LRBA: variants seen among roughly 807,000 people sequenced by gnomAD.
LRBA encodes LPS responsive beige-like anchor protein.
Under a neutral mutation model 330.0 loss-of-function variants are expected in LRBA, and 176 were observed. The ratio of observed to expected loss-of-function variants is 0.53; its 90% CI spans 0.47 to 0.60. The LOEUF (loss-of-function observed/expected upper bound fraction) is 0.60, where lower values mean the gene tolerates loss of function less well. LRBA is among the 20% of genes least tolerant of loss of function. The pLI, the probability that LRBA is intolerant of heterozygous loss-of-function variation, is 0.00. For synonymous variants in LRBA, 1,230 were observed against 1,193.0 expected, an observed-to-expected ratio of 1.03 and a Z score of -0.64; for missense variants, 3,259 against 3,444.8, an observed-to-expected ratio of 0.95 and a Z score of 1.35.
At chr4:150,776,670 G>A (rs937750283) in intron 34 of LRBA, among the ~76,000 whole-genome samples, 15 of 151,974 alleles carry the variant, frequency 9.9e-5, no homozygotes, top group Admixed American at 8.5e-4. Flanking sequence ...AAAATTAGCC[G>A]GGCATGGTGG....
chr4:150,361,857 G>A (rs980189482), intron 47 of LRBA, among the ~76,000 whole-genome samples: 5 of 148,914 alleles, frequency 3.4e-5, no homozygotes, highest in Non-Finnish European at 7.4e-5. Flanking sequence ...TGCAAGCTCC[G>A]CCTCCCGGGT....
intron 53 of LRBA, among the ~76,000 whole-genome samples, chr4:150,297,758 A>AT (rs1179351085): frequency 6.6e-6 from 1 of 152,234 alleles, no homozygotes; most frequent in Non-Finnish European, 1.5e-5. Flanking sequence ...TGTGATCAAG[A>AT]AGCTAACAAG....
At chr4:150,275,091 G>T (rs900030746) in intron 56 of LRBA, among the ~76,000 whole-genome samples, 1 of 152,050 alleles carries the variant, frequency 6.6e-6, no homozygotes, top group African/African-American at 2.4e-5. Context: ...ATGATCAAGT[G>T]GGCTTCATCC....
chr4:150,854,595 G>A (rs1751004243), intron 22 of LRBA, among the ~76,000 whole-genome samples: 2 of 152,206 alleles, frequency 1.3e-5, no homozygotes, highest in African/African-American at 4.8e-5. Flanking sequence ...AAGGGAGGGG[G>A]AAGTACAGAG....
At chr4:150,628,121 A>T (rs1036787522) in intron 37 of LRBA, among the ~76,000 whole-genome samples, 1 of 152,170 alleles carries the variant, frequency 6.6e-6, no homozygotes, top group African/African-American at 2.4e-5. Context: ...TGCATTTTAC[A>T]CTTGAATATG....
In LRBA at chr4:150,964,300, G is replaced by A. The variant is rs1044615527; in HGVS notation, c.217-35235C>T. Among the ~76,000 whole-genome samples, 7 of 149,036 alleles carry A rather than the reference G, an allele frequency of 4.7e-5. 1 individual carries two copies. The highest frequency in any genetic ancestry group is 1.9e-4 in the East Asian group (1 of 5,160). Reference sequence around the variant, plus strand: ...TGGGAAGTGAGGAGCCCCTCTGCCCGGCCGCCACCCCGTCTGGGAGGTGTA... The same window carrying A: ...TGGGAAGTGAGGAGCCCCTCTGCCCAGCCGCCACCCCGTCTGGGAGGTGTA... On this transcript the variant is annotated intron_variant, in intron 2 of 56. Transcript: ENST00000651943.
intron 37 of LRBA, among the ~76,000 whole-genome samples, chr4:150,622,258 A>T (rs1776365749): frequency 6.6e-6 from 1 of 152,074 alleles, no homozygotes; most frequent in Non-Finnish European, 1.5e-5. Flanking sequence ...AATTATGAGG[A>T]ATTTCTAAAA....
intron 36 of LRBA, among the ~76,000 whole-genome samples, chr4:150,709,527 T>A (rs72736402): frequency 2.0e-4 from 30 of 151,938 alleles, no homozygotes; most frequent in Admixed American, 2.0e-3. Flanking sequence ...TTTGTTTCCA[T>A]AGAGAACCAT....
intron 35 of LRBA, among the ~76,000 whole-genome samples, chr4:150,751,679 A>T (rs554014590): frequency 6.6e-6 from 1 of 152,306 alleles, no homozygotes; most frequent in Non-Finnish European, 1.5e-5. Context: ...TTTAATATTA[A>T]GAAGAAAAAA....
intron 44 of LRBA, among the ~76,000 whole-genome samples, chr4:150,438,055 G>T (rs1751354116): frequency 6.6e-6 from 1 of 152,196 alleles, no homozygotes; most frequent in African/African-American, 2.4e-5. Context: ...CTCAAAAAAT[G>T]TTAAGATCAA....
In LRBA at chr4:150,283,951, C is replaced by T. The variant is rs553447913; in HGVS notation, c.8120-1305G>A. The stretch of plus-strand genomic sequence containing the variant: ...TGCAGCTGTGTTGCTTTTTTGTCTC[C>T]CAGTGATAAAGCCATGTAACATTTC... On this transcript the variant is annotated intron_variant, in intron 54 of 56. Coordinates refer to ENST00000651943, the MANE Select transcript of LRBA (RefSeq NM_001364905.1). Among the ~76,000 whole-genome samples the T allele has an allele frequency of 7.7e-4, 117 of 152,160 alleles. 1 individual carries two copies. The highest frequency in any genetic ancestry group is 2.4e-3 in the Admixed American group (37 of 15,292).
intron 46 of LRBA, among the ~76,000 whole-genome samples, chr4:150,426,785 C>T (rs1361343505): frequency 6.6e-6 from 1 of 151,762 alleles, no homozygotes; most frequent in Non-Finnish European, 1.5e-5. Flanking sequence ...ATACTTCCTG[C>T]CAAATAACTA....
At position 150,755,727 on chromosome 4, in the gene LRBA, T is replaced by C. The variant is rs980610057; in HGVS notation, c.5645+6056A>G. On this transcript the variant is annotated intron_variant, in intron 35 of 56. Coordinates refer to ENST00000651943, the MANE Select transcript of LRBA (RefSeq NM_001364905.1). ...AATAGAAACAATGAGGAGAAACTAA[T>C]AGAAACATTAATAAAACTAGGAACA... Among the ~76,000 whole-genome samples the C allele has an allele frequency of 9.2e-5, 14 of 151,778 alleles. No homozygotes were observed. The South Asian group carries it at 1.2e-3, about 14-fold the overall frequency.
At chr4:150,449,683 A>C (rs1483091287) in intron 44 of LRBA, among the ~76,000 whole-genome samples, 1 of 152,140 alleles carries the variant, frequency 6.6e-6, no homozygotes, top group Non-Finnish European at 1.5e-5. Flanking sequence ...ATTTAAGGTA[A>C]TAATAGCAAT....
intron 47 of LRBA, among the ~76,000 whole-genome samples, chr4:150,389,699 A>G (rs1356189105): frequency 1.4e-5 from 2 of 145,292 alleles, no homozygotes; most frequent in Admixed American, 1.4e-4. Flanking sequence ...AAAAAAAAAG[A>G]AAGGAATCAA....
At chr4:150,476,473 G>C (rs1756718607) in intron 42 of LRBA, among the ~76,000 whole-genome samples, 1 of 152,082 alleles carries the variant, frequency 6.6e-6, no homozygotes, top group Non-Finnish European at 1.5e-5. Flanking sequence ...GAGGTATACA[G>C]AGGAGGAAGT....
intron 48 of LRBA, among the ~76,000 whole-genome samples, chr4:150,329,684 T>A (rs554977829): frequency 6.6e-5 from 10 of 152,334 alleles, no homozygotes; most frequent in Admixed American, 4.6e-4. Flanking sequence ...CCCACTCCCA[T>A]GAAGTTTGCC....
At chr4:150,797,621 G>A (rs192563859) in intron 34 of LRBA, among the ~76,000 whole-genome samples, 1 of 151,994 alleles carries the variant, frequency 6.6e-6, no homozygotes, top group African/African-American at 2.4e-5. Flanking sequence ...CCACATTTTT[G>A]TTAATGTTTT....
At chr4:150,569,715 T>C (rs1019772895) in intron 40 of LRBA, among the ~76,000 whole-genome samples, 2 of 152,166 alleles carry the variant, frequency 1.3e-5, no homozygotes, top group South Asian at 2.1e-4. Flanking sequence ...TATCAAAACA[T>C]GTATTTGGTC....
Sources: allele counts gnomAD v4.1 joint callset (sites outside exome capture counted in the v4.1 genomes callset), GRCh38; gene constraint gnomAD v4.1.1; transcripts MANE v1.5; gene names NCBI Gene and HGNC (gene_info 2026-07-23, HGNC 2026-07-21).